Variants in PCDH9 observed in about 807,000 individuals in gnomAD.
PCDH9 encodes the protein protocadherin 9, also known as protocadherin-9.
PCDH9 carries 24 observed loss-of-function variants against 70.6 expected under a neutral mutation model. The ratio of observed to expected loss-of-function variants is 0.34; its 90% CI spans 0.25 to 0.48. The LOEUF (loss-of-function observed/expected upper bound fraction) is 0.48, where lower values mean the gene tolerates loss of function less well. Ranked by LOEUF, PCDH9 falls within the 20% of genes least tolerant of loss-of-function variation. PCDH9 has a pLI of 0.99. For synonymous variants in PCDH9, 562 were observed against 558.5 expected (o/e 1.01, Z -0.09); for missense variants, 1,281 against 1,503.6 (o/e 0.85, Z 2.45).
Position 67,143,157 on chromosome 13 carries a change from A to G in PCDH9, c.3036+82248T>C, listed in dbSNP as rs142406898. ...TCCTAATGTATATTAACTATATCTA[A>G]ATAAGATTGTTTCATCAAATACATT... On this transcript the variant is annotated intron_variant, in intron 2 of 4. Coordinates refer to ENST00000377865, the MANE Select transcript of PCDH9 (RefSeq NM_203487.3). 9.1e-3 allele frequency among the ~76,000 whole-genome samples: 1,387 copies of G among 152,302 alleles called. 15 individuals carry two copies. The highest frequency in any genetic ancestry group is 0.013 in the Admixed American group (202 of 15,286).
chr13:67,059,355 A>T (rs935054833), intron 2 of PCDH9, among the ~76,000 whole-genome samples: 6 of 123,358 alleles, frequency 4.9e-5, no homozygotes, highest in African/African-American at 1.8e-4. Flanking sequence ...TATATATATT[A>T]TATATATATA....
chr13:66,651,156 T>A (rs1593839276), intron 3 of PCDH9, among the ~76,000 whole-genome samples: 1 of 151,076 alleles, frequency 6.6e-6, no homozygotes, highest in East Asian at 1.9e-4. Flanking sequence ...TGAACCTAAG[T>A]TAGTAGAAGA....
At chr13:66,709,757 G>C (rs1199937715) in intron 3 of PCDH9, among the ~76,000 whole-genome samples, 1 of 152,056 alleles carries the variant, frequency 6.6e-6, no homozygotes, top group Non-Finnish European at 1.5e-5. Flanking sequence ...TTATCTTCTA[G>C]CAAAAACCTC....
chr13:66,644,331 T>C (rs2077744452), intron 3 of PCDH9, among the ~76,000 whole-genome samples: 1 of 16,954 alleles, frequency 5.9e-5, no homozygotes, highest in South Asian at 0.02. Context: ...GCTACACTCA[T>C]GCAAAATGTT....
chr13:66,706,549 T>C (rs543106237), intron 3 of PCDH9, among the ~76,000 whole-genome samples: 2 of 152,272 alleles, frequency 1.3e-5, no homozygotes, highest in South Asian at 4.1e-4. Flanking sequence ...GCAGCTGCAG[T>C]AGTGGTAGTA....
intron 3 of PCDH9, among the ~76,000 whole-genome samples, chr13:66,697,245 A>G (rs986521910): frequency 2.0e-4 from 31 of 152,266 alleles, no homozygotes; most frequent in African/African-American, 6.7e-4. Context: ...GTCCCCATGC[A>G]TGATATCATA....
At position 66,730,876 on chromosome 13, in the gene PCDH9, G is replaced by GTTTTTTTTTTTTT. The variant is rs758928616; in HGVS notation, c.3139-99466_3139-99465insAAAAAAAAAAAAA. On this transcript the variant is annotated intron_variant, in intron 3 of 4. Transcript: ENST00000377865. ...TGTTTTTGTTTTTTTGTGTGTGTGT[G>GTTTTTTTTTTTTT]TTTTTTTTTTGTTTGTTTCTTTTTT... is the stretch of plus-strand genomic sequence containing the variant. Among the ~76,000 whole-genome samples the GTTTTTTTTTTTTT allele has an allele frequency of 7.8e-4, 36 of 46,342 alleles. 7 individuals are homozygous for GTTTTTTTTTTTTT. The highest frequency in any genetic ancestry group is 2.4e-3 in the African/African-American group (32 of 13,268). The allele number at this position is 46,342 out of a possible 152,430, so 30.4% of individuals were successfully genotyped here. A position where few individuals can be genotyped will look rare whatever the true frequency, so the allele number is the denominator to read the frequency against.
At chr13:66,736,369 C>A (rs150834106) in intron 3 of PCDH9, among the ~76,000 whole-genome samples, 1 of 152,166 alleles carries the variant, frequency 6.6e-6, no homozygotes, top group African/African-American at 2.4e-5. Flanking sequence ...ACCAGGTATG[C>A]ACATTCACAG....
At chr13:67,015,302 T>C (rs892108826) in intron 2 of PCDH9, among the ~76,000 whole-genome samples, 1 of 152,118 alleles carries the variant, frequency 6.6e-6, no homozygotes, top group Non-Finnish European at 1.5e-5. Context: ...TGAAGATATG[T>C]GGGCGAATGT....
intron 4 of PCDH9, among the ~76,000 whole-genome samples, chr13:66,402,535 A>G (rs959753850): frequency 1.3e-5 from 2 of 152,120 alleles, no homozygotes; most frequent in Non-Finnish European, 2.9e-5. Context: ...TAAAGTCATA[A>G]TGATCACAAT....
intron 3 of PCDH9, among the ~76,000 whole-genome samples, chr13:66,782,539 A>G (rs1402342053): frequency 6.6e-6 from 1 of 152,198 alleles, no homozygotes. Context: ...AAAAGAAAAA[A>G]AGCCAACAAT....
intron 2 of PCDH9, among the ~76,000 whole-genome samples, chr13:66,905,888 G>C (rs970104511): frequency 1.3e-5 from 2 of 152,162 alleles, no homozygotes; most frequent in Non-Finnish European, 2.9e-5. Flanking sequence ...AGCAGGACAA[G>C]TGTTCACTCT....
chr13:66,844,732 C>A (rs1051801889), intron 3 of PCDH9, among the ~76,000 whole-genome samples: 2 of 152,040 alleles, frequency 1.3e-5, no homozygotes, highest in Non-Finnish European at 2.9e-5. Flanking sequence ...GAGAAGTTAC[C>A]TCATCCTGCC....
chr13:66,499,351 G>C (rs964674143), intron 4 of PCDH9, among the ~76,000 whole-genome samples: 2 of 151,550 alleles, frequency 1.3e-5, no homozygotes, highest in Admixed American at 1.3e-4. Context: ...ATACATACTT[G>C]GACATTAATG....
At chr13:66,989,153 A>G (rs1227126120) in intron 2 of PCDH9, among the ~76,000 whole-genome samples, 1 of 151,978 alleles carries the variant, frequency 6.6e-6, no homozygotes, top group African/African-American at 2.4e-5. Flanking sequence ...AAGTATTGGA[A>G]TAAATATTAT....
chr13:66,833,083 C>A (rs2080956462), intron 3 of PCDH9, among the ~76,000 whole-genome samples: 1 of 152,096 alleles, frequency 6.6e-6, no homozygotes, highest in Admixed American at 6.6e-5. Context: ...TATACTCTAC[C>A]ATGTGGTCTC....
chr13:67,065,754 A>G (rs2085634627), intron 2 of PCDH9, among the ~76,000 whole-genome samples: 1 of 152,218 alleles, frequency 6.6e-6, no homozygotes, highest in South Asian at 2.1e-4. Context: ...CTGCAGGGCC[A>G]GTAGTCTTTC....
chr13:66,808,979 G>A (rs1198466558), intron 3 of PCDH9, among the ~76,000 whole-genome samples: 1 of 152,126 alleles, frequency 6.6e-6, no homozygotes. Context: ...ACGGAGTCTT[G>A]CTCTGTCACC....
chr13:66,376,754 T>C (rs1462314340), intron 4 of PCDH9, among the ~76,000 whole-genome samples: 1 of 152,130 alleles, frequency 6.6e-6, no homozygotes, highest in Non-Finnish European at 1.5e-5. Context: ...ATGAATGAAT[T>C]ATACTACTAT....
Sources: allele counts gnomAD v4.1 joint callset (sites outside exome capture counted in the v4.1 genomes callset), GRCh38; gene constraint gnomAD v4.1.1; transcripts MANE v1.5; gene names NCBI Gene and HGNC (gene_info 2026-07-23, HGNC 2026-07-21).